MED13L: variants seen among roughly 807,000 people sequenced by gnomAD.
The protein encoded by MED13L is mediator complex subunit 13L, also known as mediator of RNA polymerase II transcription subunit 13-like.
A neutral mutation model predicts 220.9 loss-of-function variants in MED13L; 7 were observed. That is an observed-to-expected ratio of 0.03 (90% CI 0.02 to 0.06). The LOEUF (loss-of-function observed/expected upper bound fraction) is 0.06, where lower values mean the gene tolerates loss of function less well. Among genes scored for constraint, MED13L ranks in the 10% least tolerant of loss-of-function variants. The pLI is 1.00. For synonymous variants in MED13L, 1,011 were observed against 1,015.2 expected (o/e 1.00, Z 0.08); for missense variants, 1,965 against 2,760.5 (o/e 0.71, Z 6.46).
intron 2 of MED13L, among the ~76,000 whole-genome samples, chr12:116,120,376 T>C (rs1236537952): frequency 6.6e-6 from 1 of 152,016 alleles, no homozygotes; most frequent in Admixed American, 6.6e-5. Flanking sequence ...TCTAGTTACA[T>C]GTTAACTTTT....
rs1879023976 is a variant in MED13L at position 116,006,033 on chromosome 12, C to T, written c.2345-40G>A. On this transcript the variant is annotated intron_variant, in intron 12 of 30. Transcript: ENST00000281928. Reference sequence around the variant, plus strand: ...GCAAAAGACACAGAATAAACAACTCCACCAAGCGCAAAGGAGTAGGGAGAG... The same window carrying T: ...GCAAAAGACACAGAATAAACAACTCTACCAAGCGCAAAGGAGTAGGGAGAG... 4 of 1,612,592 alleles carry T rather than the reference C, an allele frequency of 2.5e-6. No homozygotes were observed. The African/African-American group carries it at 4.0e-5, about 16-fold the overall frequency.
chr12:115,980,649 G>A, intron 23 of MED13L, 101 bp downstream of exon 23: 1 of 1,263,882 alleles, frequency 7.9e-7, no homozygotes, highest in Non-Finnish European at 1.1e-6. Context: ...CAATGTAGAA[G>A]ACCAACTAAG....
chr12:116,213,505 G>A (rs1882831353), intron 2 of MED13L, among the ~76,000 whole-genome samples: 1 of 152,204 alleles, frequency 6.6e-6, no homozygotes, highest in Non-Finnish European at 1.5e-5. Flanking sequence ...TCTGCCTCCA[G>A]GTTCAAGCGA....
intron 9 of MED13L, among the ~76,000 whole-genome samples, chr12:116,011,813 T>G (rs1360841750): frequency 6.6e-6 from 1 of 152,184 alleles, no homozygotes; most frequent in South Asian, 2.1e-4. Context: ...AAGGCAGAGC[T>G]CGATAAAGAA....
At chr12:116,119,532 T>A (rs887988348) in intron 2 of MED13L, among the ~76,000 whole-genome samples, 2 of 152,114 alleles carry the variant, frequency 1.3e-5, no homozygotes, top group Admixed American at 6.6e-5. Flanking sequence ...ATCTCCATTT[T>A]ATACATGAGA....
chr12:116,112,760 C>T (rs1237425907), intron 2 of MED13L, among the ~76,000 whole-genome samples: 1 of 152,184 alleles, frequency 6.6e-6, no homozygotes, highest in African/African-American at 2.4e-5. Flanking sequence ...TCCAACAATG[C>T]TCTGCAGGTA....
chr12:116,039,762 AAAAG>A (rs1182322597), intron 4 of MED13L, among the ~76,000 whole-genome samples: 2 of 152,140 alleles, frequency 1.3e-5, no homozygotes, highest in African/African-American at 4.8e-5. Context: ...TGGAGATGAA[AAAAG>A]CATGAGTTCA....
At chr12:115,971,985 T>C (rs1283904546) in intron 26 of MED13L, 93 bp downstream of exon 26, 1 of 1,347,350 alleles carries the variant, frequency 7.4e-7, no homozygotes, top group African/African-American at 1.4e-5. Context: ...AGAAATATAA[T>C]GAAGACAATT....
intron 27 of MED13L, among the ~76,000 whole-genome samples, chr12:115,969,334 A>C (rs921736303): frequency 1.3e-5 from 2 of 152,200 alleles, no homozygotes; most frequent in African/African-American, 2.4e-5. Context: ...GAATGCAATA[A>C]AGAATATAAC....
At chr12:116,067,619 C>A (rs906027150) in intron 4 of MED13L, among the ~76,000 whole-genome samples, 2 of 152,134 alleles carry the variant, frequency 1.3e-5, no homozygotes, top group African/African-American at 2.4e-5. Context: ...ACAAATATTT[C>A]TTATAAAGCA....
rs1400442018 is a variant in MED13L at position 116,155,351 on chromosome 12, G to C, written c.311-43839C>G. Among the ~76,000 whole-genome samples the C allele has an allele frequency of 7.2e-5, 11 of 152,222 alleles. No individual in the cohort carries two copies. The South Asian group carries it at 1.7e-3, about 23-fold the overall frequency. On this transcript the variant is annotated intron_variant, in intron 2 of 30. Coordinates refer to ENST00000281928, the MANE Select transcript of MED13L (RefSeq NM_015335.5). ...GGTGGGAGGATTGCTTGAGCCCAGA[G>C]GTTCCAGACTGCAGTGAGCCATGAT...
At chr12:116,028,482 A>C (rs775235352) in intron 4 of MED13L, among the ~76,000 whole-genome samples, 9 of 152,172 alleles carry the variant, frequency 5.9e-5, no homozygotes, top group Non-Finnish European at 1.3e-4. Flanking sequence ...TTACACAGCA[A>C]GTTCAGAGCA....
intron 3 of MED13L, among the ~76,000 whole-genome samples, chr12:116,102,697 C>CTTTCTTTTTTTTTTT: frequency 1.4e-5 from 1 of 73,310 alleles, no homozygotes; most frequent in Middle Eastern, 9.4e-3. Context: ...TTTTCTTTTT[C>CTTTCTTTTTTTTTTT]TTTTTCTTTT....
At chr12:116,205,532 G>GAAAAAAAAAAAAAAAAAAGAAAAA (rs34982320) in intron 2 of MED13L, among the ~76,000 whole-genome samples, 3 of 94,024 alleles carry the variant, frequency 3.2e-5, no homozygotes, top group Non-Finnish European at 6.2e-5. Context: ...CAAAGGAAGA[G>GAAAAAAAAAAAAAAAAAAGAAAAA]AAAAAAAAAA....
intron 4 of MED13L, among the ~76,000 whole-genome samples, chr12:116,024,627 T>C (rs999240222): frequency 1.3e-5 from 2 of 152,130 alleles, no homozygotes; most frequent in African/African-American, 4.8e-5. Flanking sequence ...AGCTTTTTAC[T>C]TTGATATAAC....
At chr12:116,211,575 T>A (rs1882703250) in intron 2 of MED13L, among the ~76,000 whole-genome samples, 1 of 152,166 alleles carries the variant, frequency 6.6e-6, no homozygotes, top group Non-Finnish European at 1.5e-5. Context: ...AGAAGATATA[T>A]CCTGAAACTG....
intron 1 of MED13L, among the ~76,000 whole-genome samples, chr12:116,269,906 T>C (rs1873145849): frequency 6.6e-6 from 1 of 151,144 alleles, no homozygotes; most frequent in African/African-American, 2.4e-5. Flanking sequence ...CACAACTGAC[T>C]CTCCTGTCAT....
At chr12:116,258,568 G>C (rs767233650) in intron 1 of MED13L, among the ~76,000 whole-genome samples, 54 of 152,010 alleles carry the variant, frequency 3.6e-4, no homozygotes, top group Non-Finnish European at 7.4e-4. Context: ...CCTCAGGTCA[G>C]GAGTTCGAGA....
chr12:115,981,229 C>T (rs1168550892), intron 22 of MED13L, among the ~76,000 whole-genome samples: 5 of 152,128 alleles, frequency 3.3e-5, no homozygotes, highest in East Asian at 1.9e-4. Flanking sequence ...GGTAAGATCT[C>T]AATTTATTAC....
Sources: allele counts gnomAD v4.1 joint callset (sites outside exome capture counted in the v4.1 genomes callset), GRCh38; gene constraint gnomAD v4.1.1; transcripts MANE v1.5; gene names NCBI Gene and HGNC (gene_info 2026-07-23, HGNC 2026-07-21).